SDCCAG8: variants seen among roughly 807,000 people sequenced by gnomAD.
SDCCAG8 encodes SHH signaling and ciliogenesis regulator SDCCAG8.
SDCCAG8 carries 74 observed loss-of-function variants against 101.8 expected under a neutral mutation model. That is an observed-to-expected ratio of 0.73 (90% CI 0.60 to 0.88). SDCCAG8 has a LOEUF of 0.88. Among genes scored for constraint, SDCCAG8 ranks in the 40% least tolerant of loss-of-function variants. SDCCAG8 has a pLI of 0.00. For synonymous variants in SDCCAG8, 281 were observed against 292.9 expected (o/e 0.96, Z 0.41); for missense variants, 787 against 822.6 (o/e 0.96, Z 0.53).
chr1:243,468,659 C>T (rs1342920120), intron 16 of SDCCAG8, among the ~76,000 whole-genome samples: 1 of 152,144 alleles, frequency 6.6e-6, no homozygotes, highest in South Asian at 2.1e-4. Flanking sequence ...TGCACTCCAG[C>T]CTGCATGACA....
At chr1:243,261,698 T>C (rs924156678) in intron 1 of SDCCAG8, among the ~76,000 whole-genome samples, 7 of 152,180 alleles carry the variant, frequency 4.6e-5, no homozygotes, top group Non-Finnish European at 8.8e-5. Context: ...CTTGTATTTC[T>C]TTTTTGCTTT....
intron 7 of SDCCAG8, chr1:243,307,611 C>A: frequency 1.0e-6 from 1 of 984,970 alleles, no homozygotes; most frequent in African/African-American, 1.7e-5. Flanking sequence ...TATATTACCC[C>A]ACCCCTTTTT....
intron 12 of SDCCAG8, among the ~76,000 whole-genome samples, chr1:243,366,859 A>G (rs1374085015): frequency 6.6e-6 from 1 of 152,068 alleles, no homozygotes; most frequent in Non-Finnish European, 1.5e-5. Flanking sequence ...ATATACATGT[A>G]TATAAAATTA....
intron 13 of SDCCAG8, among the ~76,000 whole-genome samples, chr1:243,379,290 C>G (rs1398562186): frequency 1.3e-5 from 2 of 152,058 alleles, no homozygotes; most frequent in Non-Finnish European, 2.9e-5. Flanking sequence ...TGAAATGGAA[C>G]TGATACAAAA....
intron 16 of SDCCAG8, among the ~76,000 whole-genome samples, chr1:243,444,453 C>A (rs2082763751): frequency 2.0e-5 from 3 of 151,540 alleles, no homozygotes. Flanking sequence ...CTCACTGCAA[C>A]CTTCACCTCC....
intron 6 of SDCCAG8, among the ~76,000 whole-genome samples, chr1:243,301,324 AT>A (rs2071483051): frequency 6.6e-6 from 1 of 152,178 alleles, no homozygotes; most frequent in South Asian, 2.1e-4. Context: ...TTTCCAGTAA[AT>A]TGCATATCAC....
chr1:243,363,173 G>A (rs2076814227), intron 12 of SDCCAG8, among the ~76,000 whole-genome samples: 3 of 152,184 alleles, frequency 2.0e-5, no homozygotes, highest in African/African-American at 7.2e-5. Context: ...CTTGTAATTT[G>A]ATATTTGCTG....
chr1:243,296,696 C>T (rs1045606099), intron 6 of SDCCAG8, among the ~76,000 whole-genome samples: 1 of 151,824 alleles, frequency 6.6e-6, no homozygotes, highest in East Asian at 1.9e-4. Flanking sequence ...GCGCCCGCCA[C>T]TGCGCCCGGC....
At chr1:243,419,746 C>T (rs777280775) in intron 15 of SDCCAG8, among the ~76,000 whole-genome samples, 2 of 152,140 alleles carry the variant, frequency 1.3e-5, no homozygotes, top group Non-Finnish European at 2.9e-5. Flanking sequence ...ACATCTATTG[C>T]TAAAGAAAAT....
At chr1:243,414,585 T>C (rs979535565) in intron 13 of SDCCAG8, among the ~76,000 whole-genome samples, 10 of 152,186 alleles carry the variant, frequency 6.6e-5, no homozygotes, top group African/African-American at 2.4e-4. Context: ...TAATACAGGC[T>C]TTCCTTATGT....
At chr1:243,336,642 A>G (rs554468753) in intron 10 of SDCCAG8, among the ~76,000 whole-genome samples, 15 of 152,196 alleles carry the variant, frequency 9.9e-5, no homozygotes, top group Non-Finnish European at 1.5e-4. Flanking sequence ...GCCAGGGGGA[A>G]ACTGCCCCGA....
Position 243,489,148 on chromosome 1 carries a change from G to A in SDCCAG8, c.2112+8G>A, listed in dbSNP as rs2148267459. On this transcript the variant is annotated splice_region_variant and intron_variant, in intron 17 of 17. Transcript: ENST00000366541. ...GACCGGCTGCGGACCCAGGTACTGT[G>A]CAGAACGCGGCGCAGGTGGGAGTCC... 2.5e-6 allele frequency: 4 copies of A among 1,611,474 alleles called. No individual in the cohort carries two copies. Among genetic ancestry groups the A allele is most frequent in the Non-Finnish European group, 3.4e-6 (4 of 1,179,582 alleles).
At chr1:243,390,726 C>T (rs759582691) in intron 13 of SDCCAG8, among the ~76,000 whole-genome samples, 3 of 152,084 alleles carry the variant, frequency 2.0e-5, no homozygotes, top group Admixed American at 6.6e-5. Flanking sequence ...CAGAGGAAAC[C>T]GAGAATGTAT....
At chr1:243,390,379 A>G (rs538902147) in intron 13 of SDCCAG8, among the ~76,000 whole-genome samples, 59 of 152,220 alleles carry the variant, frequency 3.9e-4, no homozygotes, top group Non-Finnish European at 4.9e-4. Flanking sequence ...TATCAGAGAA[A>G]ACAGGCTGTC....
At position 243,378,603 on chromosome 1, in the gene SDCCAG8, A is replaced by T. The variant is rs932698096; in HGVS notation, c.1474-118A>T. 2.6e-6 allele frequency: 3 copies of T among 1,153,026 alleles called. No individual in the cohort carries two copies. In the African/African-American group the frequency reaches 4.7e-5, roughly 18 times the overall value. 71.4% of individuals were successfully genotyped at this position (1,153,026 alleles called of 1,614,324 possible). A position where few individuals can be genotyped will look rare whatever the true frequency, so the allele number is the denominator to read the frequency against. On this transcript the variant is annotated intron_variant, in intron 12 of 17. Transcript: ENST00000366541. ...TTGTCATAAAATGGAAGCTAGCCTA[A>T]ATTTTCTAATAATTTTTTATCAAAT...
chr1:243,348,771 G>A (rs1159265686), intron 12 of SDCCAG8, among the ~76,000 whole-genome samples: 2 of 147,964 alleles, frequency 1.4e-5, no homozygotes, highest in Non-Finnish European at 3.0e-5. Flanking sequence ...TCGGGAGTTT[G>A]AGACCAGCCT....
chr1:243,290,053 TC>T (rs1423341205), intron 5 of SDCCAG8, among the ~76,000 whole-genome samples: 6 of 152,124 alleles, frequency 3.9e-5, no homozygotes, highest in Non-Finnish European at 8.8e-5. Context: ...TCTCTAGAGT[TC>T]ACAAAATCAA....
rs183756383 is a variant in SDCCAG8, at chr1:243,327,944, C to T, written c.1069-2596C>T. Among the ~76,000 whole-genome samples, 42 of 152,190 alleles carry T rather than the reference C, an allele frequency of 2.8e-4. No individual in the cohort carries two copies. The East Asian group carries it at 7.0e-3, about 25-fold the overall frequency. ...TTGAGATGGAGTCTCGCTCTGTCGC[C>T]CAGGCTGTAGTGCAGTGGTGCGATC... On this transcript the variant is annotated intron_variant, in intron 9 of 17. Coordinates refer to ENST00000366541, the MANE Select transcript of SDCCAG8 (RefSeq NM_006642.5).
At chr1:243,310,756 A>C (rs2072644165) in intron 8 of SDCCAG8, among the ~76,000 whole-genome samples, 1 of 152,244 alleles carries the variant, frequency 6.6e-6, no homozygotes, top group African/African-American at 2.4e-5. Flanking sequence ...ATTTCCTTTG[A>C]AACAAACAAA....
Sources: gnomAD v4.1 joint callset for allele counts (sites outside exome capture counted in the v4.1 genomes callset) on GRCh38, gnomAD v4.1.1 for gene constraint, MANE v1.5 for transcripts, NCBI Gene and HGNC (gene_info 2026-07-23, HGNC 2026-07-21) for gene names.